Variants in C5AR1 observed in about 807,000 individuals in gnomAD.
The protein encoded by C5AR1 is C5a anaphylatoxin chemotactic receptor 1.
Under a neutral mutation model 2.4 loss-of-function variants are expected in C5AR1, and 4 were observed. That is an observed-to-expected ratio of 1.65 (90% CI 0.81 to 3.77). The LOEUF (loss-of-function observed/expected upper bound fraction) is 3.77. C5AR1 is among the 30% of genes most tolerant of loss of function. The probability of loss-of-function intolerance (pLI) is 0.01; values close to 1 mark genes in which losing one functional copy is unlikely to be tolerated. For synonymous variants in C5AR1, 209 were observed against 210.4 expected (o/e 0.99, Z 0.06); for missense variants, 418 against 462.5 (o/e 0.90, Z 0.88).
Position 47,321,135 on chromosome 19 carries a change from A to C in C5AR1, c.*305A>C, listed in dbSNP as rs200102541. On this transcript the variant is annotated 3_prime_UTR_variant, in exon 2 of 2. Transcript: ENST00000355085. Reference sequence around the variant, plus strand: ...AAACCCGTGTATCTGGGATATTTCCATATGGCAATAGGTGTGAACAGGGAA... The same window carrying C: ...AAACCCGTGTATCTGGGATATTTCCCTATGGCAATAGGTGTGAACAGGGAA... The C allele has an allele frequency of 5.8e-5, 12 of 207,894 alleles. No homozygotes were observed. The highest frequency in any genetic ancestry group is 1.0e-4 in the Non-Finnish European group (11 of 107,278). 12.9% of individuals were successfully genotyped at this position (207,894 alleles called of 1,614,324 possible).
At chr19:47,319,472 C>T (rs1251607204) in intron 1 of C5AR1, among the ~76,000 whole-genome samples, 1 of 151,638 alleles carries the variant, frequency 6.6e-6, no homozygotes, top group Non-Finnish European at 1.5e-5. Context: ...CCACGCCTGG[C>T]TAATTTTTGT....
intron 1 of C5AR1, among the ~76,000 whole-genome samples, chr19:47,312,705 G>A (rs989750763): frequency 9.9e-5 from 15 of 152,068 alleles, no homozygotes; most frequent in Non-Finnish European, 1.5e-4. Flanking sequence ...CTTCATTCCC[G>A]TGTAGTTCAA....
chr19:47,308,779 G>GGT (rs2059261333), upstream of C5AR1, among the ~76,000 whole-genome samples: 1 of 114,696 alleles, frequency 8.7e-6, no homozygotes, highest in Admixed American at 8.7e-5. Flanking sequence ...TGGTGACGAT[G>GGT]GTTTTTTTTT....
Position 47,320,741 on chromosome 19 carries a change from G to A in C5AR1, c.964G>A (p.Val322Met), listed in dbSNP as rs201253238. Reference sequence around the variant, plus strand: ...ATCCCTCCCCAGCCTCCTCCGGAACGTGTTGACTGAAGAGTCCGTGGTTAG... The same window carrying A: ...ATCCCTCCCCAGCCTCCTCCGGAACATGTTGACTGAAGAGTCCGTGGTTAG... ...RKSLPSLLRN[V>M]LTEESVVRES... The change falls in exon 2 of 2, where the codon GTG (valine) becomes ATG (methionine). Residue 322 changes from valine to methionine, a missense_variant. Val to Met is a conservative substitution (Grantham distance 21). Coordinates refer to ENST00000355085, the MANE Select transcript of C5AR1 (RefSeq NM_001736.4). This position sits in a 1 kb window ranked among gnomAD's most constrained non-coding sequence, Gnocchi z 4.9. 1.2e-5 allele frequency: 20 copies of A among 1,614,118 alleles called. No homozygotes were observed. Among genetic ancestry groups the A allele is most frequent in the Admixed American group, 1.7e-5 (1 of 60,008 alleles).
In C5AR1 at chr19:47,320,152, G is replaced by A; in HGVS notation, c.375G>A (p.Leu125=). 3.7e-6 allele frequency: 6 copies of A among 1,614,156 alleles called. No individual in the cohort carries two copies. The highest frequency in any genetic ancestry group is 5.1e-6 in the Non-Finnish European group (6 of 1,180,040). ...LILLNMYASI[L]LLATISADRF... ...TGCTCAACATGTACGCCAGCATCCT[G>A]CTCCTGGCCACCATCAGCGCCGACC... is the stretch of plus-strand genomic sequence containing the variant. Residue 125 remains leucine (L), a synonymous_variant, in exon 2 of 2, where the codon CTG becomes CTA. Transcript: ENST00000355085. The surrounding 1 kb of genome is among the most constrained non-coding windows in gnomAD (Gnocchi z 4.9).
intron 1 of C5AR1, among the ~76,000 whole-genome samples, 184 bp from the exon 2 acceptor site, chr19:47,319,597 C>T (rs182231127): frequency 3.3e-5 from 5 of 152,256 alleles, no homozygotes; most frequent in South Asian, 2.1e-4. Flanking sequence ...GCGTGAGCTA[C>T]GGCATCTGCC....
intron 1 of C5AR1, 82 bp from the exon 2 acceptor site, chr19:47,319,699 G>A: frequency 3.4e-6 from 3 of 875,530 alleles, no homozygotes; most frequent in South Asian, 1.6e-5. Flanking sequence ...CAGGGGAAAA[G>A]CCACATGCCT....
intron 1 of C5AR1, among the ~76,000 whole-genome samples, chr19:47,313,211 C>T (rs894419561): frequency 6.6e-6 from 1 of 151,832 alleles, no homozygotes; most frequent in Non-Finnish European, 1.5e-5. Context: ...CTCCTGACCT[C>T]GTGATCCACC....
chr19:47,316,710 G>T (rs1379116463), intron 1 of C5AR1: 1 of 151,992 alleles, frequency 6.6e-6, no homozygotes, highest in Non-Finnish European at 1.5e-5. Context: ...CCTTTTCATA[G>T]CTGAGTAATA....
At position 47,320,759 on chromosome 19, in the gene C5AR1, G is replaced by A. The variant is rs770205870; in HGVS notation, c.982G>A (p.Val328Met). 11 of 1,613,984 alleles carry A rather than the reference G, an allele frequency of 6.8e-6. No individual in the cohort carries two copies. The highest frequency in any genetic ancestry group is 1.6e-4 in the Middle Eastern group (1 of 6,084). ...LLRNVLTEES[V>M]VRESKSFTRS... is the part of the protein sequence containing the mutation. ...CCGGAACGTGTTGACTGAAGAGTCC[G>A]TGGTTAGGGAGAGCAAGTCATTCAC... Residue 328 changes from valine to methionine, a missense_variant, in exon 2 of 2, where the codon GTG becomes ATG. Physicochemically the swap from Val to Met is conservative, Grantham distance 21 (BLOSUM62 1). Coordinates refer to ENST00000355085, the MANE Select transcript of C5AR1 (RefSeq NM_001736.4). The surrounding 1 kb of genome is among the most constrained non-coding windows in gnomAD (Gnocchi z 4.9).
intron 1 of C5AR1, among the ~76,000 whole-genome samples, chr19:47,318,332 C>T (rs762898921): frequency 3.3e-5 from 5 of 150,118 alleles, no homozygotes; most frequent in Middle Eastern, 3.4e-3. Flanking sequence ...CTCACTCTGT[C>T]GCCCAGGCTG....
intron 1 of C5AR1, among the ~76,000 whole-genome samples, chr19:47,313,158 A>G (rs997043781): frequency 6.6e-6 from 1 of 151,894 alleles, no homozygotes; most frequent in Non-Finnish European, 1.5e-5. Flanking sequence ...ATTTTATTTT[A>G]GTAGAGACGG....
At chr19:47,312,073 G>A (rs1226953324) in intron 1 of C5AR1, among the ~76,000 whole-genome samples, 2 of 152,074 alleles carry the variant, frequency 1.3e-5, no homozygotes, top group Admixed American at 6.6e-5. Flanking sequence ...TGTCCTCTCC[G>A]TGCTTCTGTC....
At chr19:47,315,203 T>C (rs1477788427) in intron 1 of C5AR1, among the ~76,000 whole-genome samples, 3 of 152,198 alleles carry the variant, frequency 2.0e-5, no homozygotes, top group Non-Finnish European at 2.9e-5. Context: ...TTCTTTTTGA[T>C]AGCTGTGTAG....
chr19:47,315,971 T>TCATCCATC (rs555304432), intron 1 of C5AR1, among the ~76,000 whole-genome samples: 5 of 151,460 alleles, frequency 3.3e-5, no homozygotes, highest in African/African-American at 9.7e-5. Flanking sequence ...GTCCATCGAT[T>TCATCCATC]CATCCATCCA....
chr19:47,312,456 G>A (rs534612866), intron 1 of C5AR1, among the ~76,000 whole-genome samples: 1 of 152,302 alleles, frequency 6.6e-6, no homozygotes, highest in East Asian at 1.9e-4. Flanking sequence ...AGAATTGACT[G>A]AGTGAATGCA....
chr19:47,308,058 C>G (rs1318721071), upstream of C5AR1, among the ~76,000 whole-genome samples: 2 of 151,086 alleles, frequency 1.3e-5, no homozygotes, highest in African/African-American at 4.9e-5. Flanking sequence ...ACTAAAAATA[C>G]AAAAATTAGC....
chr19:47,309,592 T>A (rs372115168), upstream of C5AR1, among the ~76,000 whole-genome samples: 84 of 114,596 alleles, frequency 7.3e-4, no homozygotes, highest in African/African-American at 1.9e-3. Context: ...AAAAAAAAAA[T>A]GAGAGAGAAG....
At chr19:47,310,101 T>C (rs2059265316) in intron 1 of C5AR1, among the ~76,000 whole-genome samples, 1 of 152,116 alleles carries the variant, frequency 6.6e-6, no homozygotes, top group Admixed American at 6.6e-5. Flanking sequence ...GATGTGGCCA[T>C]GGGAATAAGA....
Sources: allele counts gnomAD v4.1 joint callset (sites outside exome capture counted in the v4.1 genomes callset), GRCh38; gene constraint gnomAD v4.1.1; non-coding constraint Gnocchi (gnomAD v3.1); transcripts MANE v1.5; gene names NCBI Gene and HGNC (gene_info 2026-07-23, HGNC 2026-07-21).